The following APMAP variants were observed in gnomAD, a reference collection of about 807,000 sequenced individuals.
APMAP encodes adipocyte plasma membrane-associated protein.
A neutral mutation model predicts 43.6 loss-of-function variants in APMAP; 33 were observed. The ratio of observed to expected loss-of-function variants is 0.76; its 90% CI spans 0.57 to 1.01. The LOEUF is 1.01. Ranked by LOEUF, APMAP falls within the 50% of genes least tolerant of loss-of-function variation. The pLI is 0.00. For missense variants in APMAP, 498 were observed against 540.7 expected (o/e 0.92, Z 0.78); for synonymous variants, 224 against 216.7 (o/e 1.03, Z -0.30).
intron 4 of APMAP, 130 bp from the exon 5 acceptor site, chr20:24,971,706 T>C (rs1481482068): frequency 2.5e-6 from 2 of 799,584 alleles, no homozygotes; most frequent in African/African-American, 3.4e-5. Context: ...ACCATGGCAT[T>C]AGAGCTACAA....
chr20:24,969,616 A>G lies in APMAP; in HGVS notation c.758T>C (p.Leu253Ser), dbSNP rs373986577. The G allele has an allele frequency of 1.1e-4, 177 of 1,614,100 alleles. No homozygotes were observed. Among genetic ancestry groups the G allele is most frequent in the Non-Finnish European group, 1.4e-4 (169 of 1,179,936 alleles). Residue 253 changes from leucine (L) to serine (S), a missense_variant, in exon 7 of 9, where the codon TTG (leucine) becomes TCG (serine). Transcript: ENST00000217456. Reference sequence around the variant, plus strand: ...TCCATTCGGGAACCGCAGCTGGTCCAATAAAACTTTTACTTCCCTGGTCAC... The same window carrying G: ...TCCATTCGGGAACCGCAGCTGGTCCGATAAAACTTTTACTTCCCTGGTCAC... The part of the protein sequence containing the change: ...DTVTREVKVL[L>S]DQLRFPNGVQ...
At chr20:24,988,137 A>G (rs1361148799) in intron 1 of APMAP, among the ~76,000 whole-genome samples, 1 of 152,166 alleles carries the variant, frequency 6.6e-6, no homozygotes, top group East Asian at 1.9e-4. Context: ...CCCAGGAGAG[A>G]AGAGTCCCTC....
At chr20:24,986,460 C>A (rs2088147896) in intron 1 of APMAP, among the ~76,000 whole-genome samples, 1 of 152,210 alleles carries the variant, frequency 6.6e-6, no homozygotes, top group South Asian at 2.1e-4. Context: ...CCCTCCCAGT[C>A]CTGTCTCCAA....
chr20:24,963,065 C>T lies in APMAP; in HGVS notation c.*748G>A, dbSNP rs558474119. 2.0e-5 allele frequency: 3 copies of T among 152,414 alleles called. No homozygotes were observed. The East Asian group carries it at 5.8e-4, about 29-fold the overall frequency. 9.4% of individuals were successfully genotyped at this position (152,414 alleles called of 1,614,324 possible). A position where few individuals can be genotyped will look rare whatever the true frequency, so the allele number is the denominator to read the frequency against. On this transcript the variant is annotated 3_prime_UTR_variant, in exon 9 of 9. Coordinates refer to ENST00000217456, the MANE Select transcript of APMAP (RefSeq NM_020531.3). ...ATGACATTAACACGTGCACTGTTCACATCTTGGGGTCTAGAGGTCAAGAAC... is the reference window on the plus strand; with the variant it reads ...ATGACATTAACACGTGCACTGTTCATATCTTGGGGTCTAGAGGTCAAGAAC...
At chr20:24,969,698 T>A in intron 6 of APMAP, 38 bp from the exon 7 acceptor site, 3 of 1,582,170 alleles carry the variant, frequency 1.9e-6, no homozygotes, top group East Asian at 2.3e-5. Flanking sequence ...TGGGGGAGAA[T>A]CCCTGGCTCC....
chr20:24,975,058 T>C (rs2088038969), intron 3 of APMAP, among the ~76,000 whole-genome samples: 1 of 152,124 alleles, frequency 6.6e-6, no homozygotes, highest in Admixed American at 6.5e-5. Context: ...TATAAAAAAA[T>C]CTACATATAA....
chr20:24,989,771 A>C (rs2088176339), intron 1 of APMAP, among the ~76,000 whole-genome samples: 1 of 152,194 alleles, frequency 6.6e-6, no homozygotes, highest in African/African-American at 2.4e-5. Flanking sequence ...CCATCTGAAA[A>C]TACACACCTG....
chr20:24,964,237 A>G (rs1224170756), intron 8 of APMAP: 6 of 682,664 alleles, frequency 8.8e-6, no homozygotes, highest in Non-Finnish European at 1.6e-5. Flanking sequence ...CCCTGTGAAG[A>G]TCAGGCCAAA....
intron 2 of APMAP, among the ~76,000 whole-genome samples, chr20:24,981,623 T>C (rs1026458297): frequency 6.6e-6 from 1 of 152,248 alleles, no homozygotes; most frequent in African/African-American, 2.4e-5. Context: ...TATTTTTTAA[T>C]ATCTCTCAGT....
Position 24,969,643 on chromosome 20 carries a change from G to A in APMAP, c.731C>T (p.Thr244Ile), listed in dbSNP as rs1292307102. Residue 244 changes from threonine to isoleucine, a missense_variant, in exon 7 of 9, where the codon ACT (threonine) becomes ATT (isoleucine). By Grantham distance (89) the Thr-to-Ile change is moderately conservative (BLOSUM62 -1). Coordinates refer to ENST00000217456, the MANE Select transcript of APMAP (RefSeq NM_020531.3). The part of the protein sequence containing the change: ...TDDGRLLEYD[T>I]VTREVKVLLD... ...TAAAACTTTTACTTCCCTGGTCACA[G>A]TATCATACTCCAGCAGGCTGTGGAA... 6.2e-7 allele frequency: 1 copy of A among 1,613,582 alleles called. No individual in the cohort carries two copies. Among genetic ancestry groups the A allele is most frequent in the South Asian group, 1.1e-5 (1 of 91,058 alleles).
chr20:24,972,913 G>C (rs1483088168), intron 4 of APMAP, among the ~76,000 whole-genome samples: 1 of 152,208 alleles, frequency 6.6e-6, no homozygotes, highest in Non-Finnish European at 1.5e-5. Flanking sequence ...AAATGGCACG[G>C]AAAAAGGCAG....
At position 24,983,827 on chromosome 20, in the gene APMAP, C is replaced by T. The variant is rs1477611015; in HGVS notation, c.212+76G>A. 1.5e-5 allele frequency: 16 copies of T among 1,041,080 alleles called. No individual in the cohort carries two copies. The African/African-American group carries it at 1.8e-4, about 12-fold the overall frequency. 64.5% of individuals were successfully genotyped at this position (1,041,080 alleles called of 1,614,324 possible). Reference sequence around the variant, plus strand: ...TTCAGATCAGATTGATTTAATCACCCTCCTTTCCTTGGAAATTATTTCAGC... The same window carrying T: ...TTCAGATCAGATTGATTTAATCACCTTCCTTTCCTTGGAAATTATTTCAGC... On this transcript the variant is annotated intron_variant, in intron 2 of 8. Transcript: ENST00000217456.
chr20:24,985,104 A>G (rs1191732907), intron 1 of APMAP, among the ~76,000 whole-genome samples: 1 of 152,150 alleles, frequency 6.6e-6, no homozygotes, highest in Non-Finnish European at 1.5e-5. Flanking sequence ...AGAAACATAA[A>G]GGCCAAGCCC....
Position 24,970,083 on chromosome 20 carries a change from G to A in APMAP, c.713+114C>T. 3.0e-6 allele frequency: 4 copies of A among 1,334,870 alleles called. No homozygotes were observed. The South Asian group carries it at 4.1e-5, about 14-fold the overall frequency. 82.7% of individuals were successfully genotyped at this position (1,334,870 alleles called of 1,614,324 possible). Reference sequence around the variant, plus strand: ...AAGCCACTAAGGTCCTGTCCTAGAAGCTGAAATATGATGCTGGAAATACTC... The same window carrying A: ...AAGCCACTAAGGTCCTGTCCTAGAAACTGAAATATGATGCTGGAAATACTC... On this transcript the variant is annotated intron_variant, in intron 6 of 8. Coordinates refer to ENST00000217456, the MANE Select transcript of APMAP (RefSeq NM_020531.3).
intron 8 of APMAP, among the ~76,000 whole-genome samples, chr20:24,966,004 C>T (rs552566274): frequency 6.6e-6 from 1 of 152,284 alleles, no homozygotes; most frequent in African/African-American, 2.4e-5. Context: ...TGTGAGTATG[C>T]ATCGTGTGCT....
intron 2 of APMAP, among the ~76,000 whole-genome samples, chr20:24,981,668 C>G (rs1475842846): frequency 6.6e-6 from 1 of 152,242 alleles, no homozygotes; most frequent in African/African-American, 2.4e-5. Context: ...ATGTGTACTT[C>G]TAACAGTACT....
intron 3 of APMAP, among the ~76,000 whole-genome samples, chr20:24,976,533 A>T (rs1271484273): frequency 6.6e-6 from 1 of 152,194 alleles, no homozygotes; most frequent in African/African-American, 2.4e-5. Flanking sequence ...CAAAACACTG[A>T]CACCACCAAA....
At chr20:24,989,170 T>C (rs6050236) in intron 1 of APMAP, among the ~76,000 whole-genome samples, 13,670 of 152,184 alleles carry the variant, frequency 0.09, 699 homozygotes, top group Middle Eastern at 0.12. Context: ...TGACAAAGCA[T>C]TGCAGGTTCC....
chr20:24,984,909 TAAAC>T (rs1295663507), intron 1 of APMAP, among the ~76,000 whole-genome samples: 1 of 152,158 alleles, frequency 6.6e-6, no homozygotes, highest in Admixed American at 6.5e-5. Flanking sequence ...AATATTAACT[TAAAC>T]AAAATCATGA....
Sources: gnomAD v4.1 joint callset for allele counts (sites outside exome capture counted in the v4.1 genomes callset) on GRCh38, gnomAD v4.1.1 for gene constraint, MANE v1.5 for transcripts, NCBI Gene and HGNC (gene_info 2026-07-23, HGNC 2026-07-21) for gene names.